Variants in CCDC85C observed in about 807,000 individuals in gnomAD.
The protein encoded by CCDC85C is coiled-coil domain-containing protein 85C.
Under a neutral mutation model 38.3 loss-of-function variants are expected in CCDC85C, and 18 were observed. The observed-to-expected ratio is 0.47, with a 90% CI of 0.33 to 0.70. The LOEUF (loss-of-function observed/expected upper bound fraction) is 0.70. Among genes scored for constraint, CCDC85C ranks in the 30% least tolerant of loss-of-function variants. The pLI, the probability that CCDC85C is intolerant of heterozygous loss-of-function variation, is 0.03. For missense variants in CCDC85C, 566 were observed against 621.2 expected (o/e 0.91, Z 0.94); for synonymous variants, 264 against 293.8 (o/e 0.90, Z 1.04).
At chr14:99,537,716 G>A (rs902903078) in intron 1 of CCDC85C, among the ~76,000 whole-genome samples, 1 of 152,140 alleles carries the variant, frequency 6.6e-6, no homozygotes, top group Non-Finnish European at 1.5e-5. Context: ...CCCTCAGGGT[G>A]ACCTCAGAGC....
At chr14:99,539,155 T>C (rs1166275400) in intron 1 of CCDC85C, among the ~76,000 whole-genome samples, 1 of 152,186 alleles carries the variant, frequency 6.6e-6, no homozygotes. Flanking sequence ...CATCCAGTAA[T>C]TCCAGTGGAA....
At chr14:99,551,898 G>T (rs1027908209) in intron 1 of CCDC85C, among the ~76,000 whole-genome samples, 2 of 152,190 alleles carry the variant, frequency 1.3e-5, no homozygotes, top group African/African-American at 4.8e-5. Flanking sequence ...AATTCTAGCA[G>T]ACAGGTGGGA....
intron 1 of CCDC85C, among the ~76,000 whole-genome samples, chr14:99,565,458 C>T (rs934508114): frequency 6.6e-6 from 1 of 152,244 alleles, no homozygotes; most frequent in Non-Finnish European, 1.5e-5. Flanking sequence ...GAACCCTCTA[C>T]AAGAGATCAT....
At position 99,510,387 on chromosome 14, in the gene CCDC85C, A is replaced by G. The variant is rs1311933968; in HGVS notation, c.*4859T>C. 1.3e-6 allele frequency: 2 copies of G among 1,566,264 alleles called. No individual in the cohort carries two copies. Among genetic ancestry groups the G allele is most frequent in the Non-Finnish European group, 1.7e-6 (2 of 1,159,544 alleles). On this transcript the variant is annotated 3_prime_UTR_variant, in exon 6 of 6. Coordinates refer to ENST00000380243, the MANE Select transcript of CCDC85C (RefSeq NM_001144995.2). ...AGAGGGCTACCAGAGCCTGCAGTCC[A>G]TGATGAAGACCGAGGGACCCTCCTA...
rs1162495308 is a variant in CCDC85C at position 99,572,641 on chromosome 14, T to A, written c.793+30526A>T. On this transcript the variant is annotated intron_variant, in intron 1 of 5. Coordinates refer to ENST00000380243, the MANE Select transcript of CCDC85C (RefSeq NM_001144995.2). This position sits in a 1 kb window ranked among gnomAD's most constrained non-coding sequence, Gnocchi z 4.4. ...TTCCAGGGACGACAGCTGCTTATCA[T>A]CCAAGCCCCAGGTGACCTGGCCCCT... is the stretch of plus-strand genomic sequence containing the variant. 1 of 455,318 alleles carries A rather than the reference T, an allele frequency of 2.2e-6. No homozygotes were observed. The highest frequency in any genetic ancestry group is 4.4e-6 in the Non-Finnish European group (1 of 226,326). The allele number at this position is 455,318 out of a possible 1,614,324, so 28.2% of individuals were successfully genotyped here.
chr14:99,603,592 G>T lies in CCDC85C; in HGVS notation c.368C>A (p.Ser123Ter). The T allele has an allele frequency of 7.0e-7, 1 of 1,429,080 alleles. No homozygotes were observed. Among genetic ancestry groups the T allele is most frequent in the Non-Finnish European group, 9.1e-7 (1 of 1,096,492 alleles). 88.5% of individuals were successfully genotyped at this position (1,429,080 alleles called of 1,614,324 possible). ...AGAVWHEVARSQQKLRELEAR... is the reference protein window; with the variant it reads ...AGAVWHEVAR ...CTCGAGCTCGCGCAGCTTCTGCTGC[G>T]AGCGGGCCACCTCGTGCCACACGGC... Residue 123 changes from serine (S) to a stop codon, truncating the protein, a stop_gained, in exon 1 of 6, where the codon TCG becomes TAG. Transcript: ENST00000380243. LOFTEE classifies it high-confidence loss of function. This position sits in a 1 kb window ranked among gnomAD's most constrained non-coding sequence, Gnocchi z 7.5.
intron 2 of CCDC85C, among the ~76,000 whole-genome samples, chr14:99,531,459 T>C (rs1362080327): frequency 2.6e-5 from 4 of 152,088 alleles, no homozygotes; most frequent in African/African-American, 9.7e-5. Flanking sequence ...GAAGCAGCTG[T>C]GTTGATGAAA....
chr14:99,579,762 C>T (rs2054945168), intron 1 of CCDC85C, among the ~76,000 whole-genome samples: 1 of 152,102 alleles, frequency 6.6e-6, no homozygotes, highest in Admixed American at 6.5e-5. Flanking sequence ...CACATGTCAG[C>T]TCCTGCCTGC....
At chr14:99,600,697 G>A (rs889770235) in intron 1 of CCDC85C, among the ~76,000 whole-genome samples, 1 of 104,374 alleles carries the variant, frequency 9.6e-6, no homozygotes, top group African/African-American at 2.7e-5. Flanking sequence ...GTCAAATGGG[G>A]ATAATACTGC....
In CCDC85C at chr14:99,576,276, T is replaced by C. The variant is rs1337200925; in HGVS notation, c.793+26891A>G. Among the ~76,000 whole-genome samples the C allele has an allele frequency of 6.6e-6, 1 of 152,218 alleles. No homozygotes were observed. The highest frequency in any genetic ancestry group is 2.4e-5 in the African/African-American group (1 of 41,460). On this transcript the variant is annotated intron_variant, in intron 1 of 5. Transcript: ENST00000380243. The surrounding 1 kb of genome is among the most constrained non-coding windows in gnomAD (Gnocchi z 4.8). Reference sequence around the variant, plus strand: ...CACAGGCCTCCCGAAGCCCACCCTCTGACCCCATCTAAAATCCAGGGCCAG... The same window carrying C: ...CACAGGCCTCCCGAAGCCCACCCTCCGACCCCATCTAAAATCCAGGGCCAG...
In CCDC85C at chr14:99,510,736, G is replaced by T; in HGVS notation, c.*4510C>A. ...GTGCCCCCGCCCATTCCCCCACCCGGCATGCCTCCAGTTGGGGGGCTGGGG... is the reference window on the plus strand; with the variant it reads ...GTGCCCCCGCCCATTCCCCCACCCGTCATGCCTCCAGTTGGGGGGCTGGGG... On this transcript the variant is annotated 3_prime_UTR_variant, in exon 6 of 6. Transcript: ENST00000380243. The T allele has an allele frequency of 6.9e-7, 1 of 1,450,640 alleles. No individual in the cohort carries two copies. Among genetic ancestry groups the T allele is most frequent in the Non-Finnish European group, 9.1e-7 (1 of 1,102,054 alleles). The allele number at this position is 1,450,640 out of a possible 1,614,324, so 89.9% of individuals were successfully genotyped here.
intron 1 of CCDC85C, among the ~76,000 whole-genome samples, chr14:99,585,569 T>C (rs936544250): frequency 1.3e-5 from 2 of 152,228 alleles, no homozygotes. Flanking sequence ...TGTTAGCTAT[T>C]ATTATTCCTA....
intron 1 of CCDC85C, among the ~76,000 whole-genome samples, chr14:99,578,678 T>C (rs2139972827): frequency 6.6e-6 from 1 of 152,204 alleles, no homozygotes; most frequent in East Asian, 1.9e-4. Context: ...TTTTGACCTT[T>C]AGTTGAATGC....
chr14:99,546,230 G>A (rs1897805527), intron 1 of CCDC85C, among the ~76,000 whole-genome samples: 1 of 151,964 alleles, frequency 6.6e-6, no homozygotes, highest in Non-Finnish European at 1.5e-5. Context: ...GAAGAGCTGG[G>A]GGGCCGGGAT....
chr14:99,500,309 C>G lies in CCDC85C; in HGVS notation c.*14937G>C, dbSNP rs1185190388. 4 of 189,086 alleles carry G rather than the reference C, an allele frequency of 2.1e-5. No homozygotes were observed. The highest frequency in any genetic ancestry group is 4.4e-5 in the Non-Finnish European group (4 of 91,414). 11.7% of individuals were successfully genotyped at this position (189,086 alleles called of 1,614,324 possible). On this transcript the variant is annotated 3_prime_UTR_variant, in exon 6 of 6. Transcript: ENST00000380243. Reference sequence around the variant, plus strand: ...GTATATATACACACACATACACACACACTGGTACAATTTATCTCTGAGTTT... The same window carrying G: ...GTATATATACACACACATACACACAGACTGGTACAATTTATCTCTGAGTTT...
chr14:99,535,891 C>T lies in CCDC85C; in HGVS notation c.867+124G>A. The T allele has an allele frequency of 1.4e-6, 1 of 712,296 alleles. No individual in the cohort carries two copies. The highest frequency in any genetic ancestry group is 2.4e-6 in the Non-Finnish European group (1 of 409,104). 44.1% of individuals were successfully genotyped at this position (712,296 alleles called of 1,614,324 possible). On this transcript the variant is annotated intron_variant, in intron 2 of 5. Coordinates refer to ENST00000380243, the MANE Select transcript of CCDC85C (RefSeq NM_001144995.2). The surrounding 1 kb of genome is among the most constrained non-coding windows in gnomAD (Gnocchi z 5.5). ...CCTGACCCCACTTTCCAGGAGGTGA[C>T]AGGTGGCAGTGGGAGCAGTTGGGGG...
At chr14:99,531,738 G>A (rs1272227610) in intron 2 of CCDC85C, among the ~76,000 whole-genome samples, 1 of 152,026 alleles carries the variant, frequency 6.6e-6, no homozygotes, top group African/African-American at 2.4e-5. Context: ...TTTGCGCAGA[G>A]GTGGGGGTTT....
At position 99,536,081 on chromosome 14, in the gene CCDC85C, T is replaced by G; in HGVS notation, c.801A>C (p.Ser267=). 6.4e-7 allele frequency: 1 copy of G among 1,550,516 alleles called. No individual in the cohort carries two copies. The highest frequency in any genetic ancestry group is 8.7e-7 in the Non-Finnish European group (1 of 1,146,034). The change falls in exon 2 of 6, where the codon TCA becomes TCC. Residue 267 remains serine (S), a synonymous_variant. Coordinates refer to ENST00000380243, the MANE Select transcript of CCDC85C (RefSeq NM_001144995.2). The part of the protein sequence containing the change: ...RSIPNGLHDP[S]STYIRQLESK... Reference sequence around the variant, plus strand: ...TCTCCAGTTGCCTGATGTAGGTGGATGAGGGATCTGGAAGGACACAAGAGG... The same window carrying G: ...TCTCCAGTTGCCTGATGTAGGTGGAGGAGGGATCTGGAAGGACACAAGAGG...
At chr14:99,525,984 G>C (rs1178476681) in intron 2 of CCDC85C, among the ~76,000 whole-genome samples, 1 of 152,246 alleles carries the variant, frequency 6.6e-6, no homozygotes, top group African/African-American at 2.4e-5. Flanking sequence ...GGACAGCCAG[G>C]TGTGGCCAGG....
Sources: allele counts gnomAD v4.1 joint callset (sites outside exome capture counted in the v4.1 genomes callset), GRCh38; gene constraint gnomAD v4.1.1; non-coding constraint Gnocchi (gnomAD v3.1); transcripts MANE v1.5; gene names NCBI Gene and HGNC (gene_info 2026-07-23, HGNC 2026-07-21).